Variants in PRLR observed in about 807,000 individuals in gnomAD.
PRLR encodes the protein hPRL receptor.
A neutral mutation model predicts 40.2 loss-of-function variants in PRLR; 13 were observed. That is an observed-to-expected ratio of 0.32 (90% CI 0.21 to 0.51). PRLR has a LOEUF of 0.51. Among genes scored for constraint, PRLR ranks in the 20% least tolerant of loss-of-function variants. The pLI is 0.97. For synonymous variants in PRLR, 269 were observed against 278.7 expected (o/e 0.97, Z 0.35); for missense variants, 656 against 747.3 (o/e 0.88, Z 1.42).
intron 1 of PRLR, among the ~76,000 whole-genome samples, chr5:35,199,674 C>T (rs760508700): frequency 1.3e-5 from 2 of 152,212 alleles, no homozygotes; most frequent in African/African-American, 4.8e-5. Context: ...ATGAGTACTA[C>T]AGTAACCACA....
intron 1 of PRLR, among the ~76,000 whole-genome samples, chr5:35,132,707 A>G (rs1278320893): frequency 2.6e-5 from 4 of 152,210 alleles, no homozygotes; most frequent in Admixed American, 2.6e-4. Context: ...AGAAGGCTAC[A>G]TGTCCTATTG....
chr5:35,229,199 G>A (rs1776629615), intron 1 of PRLR, among the ~76,000 whole-genome samples: 1 of 150,790 alleles, frequency 6.6e-6, no homozygotes, highest in South Asian at 2.1e-4. Context: ...GAGAGGGTAA[G>A]TATCTTGCCC....
intron 1 of PRLR, among the ~76,000 whole-genome samples, chr5:35,142,903 T>C (rs562364525): frequency 1.5e-4 from 23 of 152,226 alleles, no homozygotes; most frequent in Non-Finnish European, 2.6e-4. Context: ...TCTATAAGCT[T>C]GAGTGATAAT....
chr5:35,134,599 C>T (rs977473096), intron 1 of PRLR, among the ~76,000 whole-genome samples: 4 of 152,182 alleles, frequency 2.6e-5, no homozygotes, highest in East Asian at 1.9e-4. Context: ...AGCAACTACC[C>T]GGCTGGTTGC....
chr5:35,181,170 C>G (rs1015963487), intron 1 of PRLR, among the ~76,000 whole-genome samples: 2 of 152,142 alleles, frequency 1.3e-5, no homozygotes, highest in African/African-American at 2.4e-5. Context: ...ATCTAGCAAC[C>G]AGCTAACCTC....
At chr5:35,194,833 A>G (rs775991829) in intron 1 of PRLR, among the ~76,000 whole-genome samples, 2 of 152,224 alleles carry the variant, frequency 1.3e-5, no homozygotes, top group African/African-American at 4.8e-5. Flanking sequence ...TGATAGATAC[A>G]GGTCATTATA....
Position 35,130,361 on chromosome 5 carries a change from G to T in PRLR, c.-105-12239C>A, listed in dbSNP as rs1005325284. 3 of 152,092 alleles carry T rather than the reference G, an allele frequency of 2.0e-5. No individual in the cohort carries two copies. In the East Asian group the frequency reaches 5.8e-4, roughly 29 times the overall value. 9.4% of individuals were successfully genotyped at this position (152,092 alleles called of 1,614,324 possible). ...AGGAATAAGGAGTTGGGAGGGGTGGGGCAACCATAGCAAGGGCAAGCTACA... is the reference window on the plus strand; with the variant it reads ...AGGAATAAGGAGTTGGGAGGGGTGGTGCAACCATAGCAAGGGCAAGCTACA... On this transcript the variant is annotated intron_variant, in intron 1 of 9. Coordinates refer to ENST00000618457, the MANE Select transcript of PRLR (RefSeq NM_000949.7).
intron 1 of PRLR, among the ~76,000 whole-genome samples, chr5:35,181,381 T>C (rs1000345233): frequency 6.6e-6 from 1 of 152,202 alleles, no homozygotes; most frequent in African/African-American, 2.4e-5. Flanking sequence ...AAGAATGATT[T>C]GGAACCCTTA....
chr5:35,177,179 A>G (rs1775173120), intron 1 of PRLR, among the ~76,000 whole-genome samples: 1 of 152,160 alleles, frequency 6.6e-6, no homozygotes, highest in Non-Finnish European at 1.5e-5. Flanking sequence ...CGAATGATCA[A>G]TAAATACTAA....
At chr5:35,110,202 CA>C (rs1772566729) in intron 2 of PRLR, among the ~76,000 whole-genome samples, 1 of 152,086 alleles carries the variant, frequency 6.6e-6, no homozygotes, top group South Asian at 2.1e-4. Context: ...GAACAACACA[CA>C]CCAGGGCCTG....
intron 3 of PRLR, among the ~76,000 whole-genome samples, chr5:35,089,003 T>C (rs1309956716): frequency 6.6e-6 from 1 of 152,184 alleles, no homozygotes; most frequent in Non-Finnish European, 1.5e-5. Flanking sequence ...TGCACATGGG[T>C]TGACATACAG....
intron 5 of PRLR, among the ~76,000 whole-genome samples, chr5:35,079,284 G>T (rs545870572): frequency 1.3e-5 from 2 of 152,322 alleles, no homozygotes; most frequent in South Asian, 4.1e-4. Flanking sequence ...GTTTGCAGAT[G>T]ACATGATTGT....
intron 1 of PRLR, among the ~76,000 whole-genome samples, chr5:35,126,423 G>A (rs1014822138): frequency 3.3e-5 from 5 of 152,196 alleles, no homozygotes; most frequent in South Asian, 2.1e-4. Flanking sequence ...CCCCCTCATC[G>A]GTTTTGGTGA....
At chr5:35,202,269 G>C (rs180729627) in intron 1 of PRLR, among the ~76,000 whole-genome samples, 60 of 152,324 alleles carry the variant, frequency 3.9e-4, no homozygotes, top group Admixed American at 3.6e-3. Context: ...GAAAAAACAT[G>C]ACCTTTGAGT....
At chr5:35,213,903 A>G (rs1442106045) in intron 1 of PRLR, among the ~76,000 whole-genome samples, 8 of 152,198 alleles carry the variant, frequency 5.3e-5, no homozygotes, top group Non-Finnish European at 8.8e-5. Flanking sequence ...CCTGCAGAGC[A>G]CAGCTCCCGG....
At chr5:35,100,303 A>G (rs968345891) in intron 2 of PRLR, among the ~76,000 whole-genome samples, 2 of 152,178 alleles carry the variant, frequency 1.3e-5, no homozygotes, top group Non-Finnish European at 2.9e-5. Context: ...GTGTAGCTTA[A>G]GTGTACAGTG....
At chr5:35,070,841 C>CAAAAAAAAAAAAA (rs34668616) in intron 6 of PRLR, among the ~76,000 whole-genome samples, 3 of 69,158 alleles carry the variant, frequency 4.3e-5, no homozygotes, top group African/African-American at 5.0e-5. Flanking sequence ...AACTCCGTCT[C>CAAAAAAAAAAAAA]AAAAAAAAAA....
chr5:35,148,834 C>G (rs1213485123), intron 1 of PRLR, among the ~76,000 whole-genome samples: 2 of 152,016 alleles, frequency 1.3e-5, no homozygotes, highest in African/African-American at 4.8e-5. Context: ...AAATGTATCA[C>G]TAACATTACT....
chr5:35,112,772 C>G (rs925545773), intron 2 of PRLR, among the ~76,000 whole-genome samples: 6 of 152,200 alleles, frequency 3.9e-5, no homozygotes, highest in African/African-American at 1.4e-4. Flanking sequence ...TTCAAAACAT[C>G]TGGGCTATTT....
Sources: gnomAD v4.1 joint callset for allele counts (sites outside exome capture counted in the v4.1 genomes callset) on GRCh38, gnomAD v4.1.1 for gene constraint, MANE v1.5 for transcripts, NCBI Gene and HGNC (gene_info 2026-07-23, HGNC 2026-07-21) for gene names.